Variants in SEC31A observed in about 807,000 individuals in gnomAD.
The protein encoded by SEC31A is protein transport protein Sec31A.
In SEC31A, 70 loss-of-function variants were observed where a neutral mutation model predicts 151.0. The ratio of observed to expected loss-of-function variants is 0.46; its 90% CI spans 0.38 to 0.57. The LOEUF (loss-of-function observed/expected upper bound fraction) is 0.57, where lower values mean the gene tolerates loss of function less well. Ranked by LOEUF, SEC31A falls within the 20% of genes least tolerant of loss-of-function variation. The pLI is 0.00. For synonymous variants in SEC31A, 475 were observed against 505.9 expected (o/e 0.94, Z 0.82); for missense variants, 1,330 against 1,471.2 (o/e 0.90, Z 1.57).
At chr4:82,841,442 T>TTATATATATATATATA (rs58373170) in intron 22 of SEC31A, among the ~76,000 whole-genome samples, 2,715 of 63,808 alleles carry the variant, frequency 0.043, 192 homozygotes, top group Non-Finnish European at 0.073. Flanking sequence ...AAAAAAAATT[T>TTATATATATATATATA]TATATATATA....
In SEC31A at chr4:82,842,007, A is replaced by G. The variant is rs113434336; in HGVS notation, c.2968+133T>C. 5,246 of 731,666 alleles carry G rather than the reference A, an allele frequency of 7.2e-3. 74 individuals carry two copies. Among genetic ancestry groups the G allele is most frequent in the Middle Eastern group, 0.013 (31 of 2,434 alleles). 45.3% of individuals were successfully genotyped at this position (731,666 alleles called of 1,614,324 possible). The stretch of plus-strand genomic sequence containing the variant: ...ACCAAACAAACAAAAAACACAAAAA[A>G]CAAACCCAAACCTCAGTCAACACCT... On this transcript the variant is annotated intron_variant, in intron 22 of 26. Transcript: ENST00000395310.
intron 1 of SEC31A, among the ~76,000 whole-genome samples, chr4:82,889,675 TCA>T (rs1336664543): frequency 6.6e-6 from 1 of 152,326 alleles, no homozygotes; most frequent in Non-Finnish European, 1.5e-5. Context: ...TCATTGCTCT[TCA>T]CAGTTTACAA....
At chr4:82,879,350 C>T (rs1453418711) in intron 3 of SEC31A, among the ~76,000 whole-genome samples, 1 of 139,590 alleles carries the variant, frequency 7.2e-6, no homozygotes, top group African/African-American at 2.6e-5. Context: ...ATAGAAGGGT[C>T]TCATGCTTTG....
chr4:82,826,805 T>A (rs1724706694), intron 24 of SEC31A, among the ~76,000 whole-genome samples: 1 of 152,264 alleles, frequency 6.6e-6, no homozygotes, highest in Admixed American at 6.5e-5. Context: ...TATATTGAAC[T>A]TTGATCTAAG....
rs369873554 is a variant in SEC31A at position 82,882,201 on chromosome 4, A to G, written c.-4-261T>C. Among the ~76,000 whole-genome samples, 116 of 152,244 alleles carry G rather than the reference A, an allele frequency of 7.6e-4. No individual in the cohort carries two copies. The Middle Eastern group carries it at 0.01, about 13-fold the overall frequency. On this transcript the variant is annotated intron_variant, in intron 1 of 26. Coordinates refer to ENST00000395310, the MANE Select transcript of SEC31A (RefSeq NM_001077207.4). ...GGCGGATCACGAGGTCAGGAGATTGAGACCATCCTGGCTAACATGGTGAGA... is the reference window on the plus strand; with the variant it reads ...GGCGGATCACGAGGTCAGGAGATTGGGACCATCCTGGCTAACATGGTGAGA...
chr4:82,886,459 A>C (rs140103337), intron 1 of SEC31A, among the ~76,000 whole-genome samples: 1 of 152,322 alleles, frequency 6.6e-6, no homozygotes, highest in East Asian at 1.9e-4. Context: ...GAGCCAAAAA[A>C]AGTGCTCAGC....
At chr4:82,855,238 G>A (rs1377029645) in intron 16 of SEC31A, among the ~76,000 whole-genome samples, 2 of 152,204 alleles carry the variant, frequency 1.3e-5, no homozygotes, top group Non-Finnish European at 2.9e-5. Context: ...TTCATAAAGT[G>A]CTGAGAAGGA....
rs1736694479 is a variant in SEC31A, at chr4:82,871,634, G to C, written c.782+310C>G. 4 of 538,492 alleles carry C rather than the reference G, an allele frequency of 7.4e-6. 1 individual carries two copies. The highest frequency in any genetic ancestry group is 5.0e-5 in the South Asian group (2 of 39,840). The allele number at this position is 538,492 out of a possible 1,614,324, so 33.4% of individuals were successfully genotyped here. A position where few individuals can be genotyped will look rare whatever the true frequency, so the allele number is the denominator to read the frequency against. Reference sequence around the variant, plus strand: ...CTACTAAAACTATGAAAATTAGCTGGGCGTGGTGGCGCATGCATGTAATCC... The same window carrying C: ...CTACTAAAACTATGAAAATTAGCTGCGCGTGGTGGCGCATGCATGTAATCC... On this transcript the variant is annotated intron_variant, in intron 7 of 26. Transcript: ENST00000395310.
chr4:82,824,381 TTG>T (rs1724076259), intron 25 of SEC31A, among the ~76,000 whole-genome samples, 172 bp downstream of exon 25: 2 of 152,046 alleles, frequency 1.3e-5, no homozygotes, highest in African/African-American at 4.8e-5. Context: ...TTTTTTGTAT[TTG>T]TAGTAGAGAC....
chr4:82,865,732 A>G (rs1735224467), intron 10 of SEC31A, among the ~76,000 whole-genome samples: 1 of 152,112 alleles, frequency 6.6e-6, no homozygotes. Flanking sequence ...AATTTAAAGT[A>G]GAAAACTCCT....
rs1267226557 is a variant in SEC31A at position 82,864,475 on chromosome 4, G to A, written c.1321C>T (p.Arg441Ter). The stretch of plus-strand genomic sequence containing the variant: ...ACAGCCTGCTGAAGTTGGTCTGATC[G>A]GCTGAGGAACTCCTTTTCTGTTACA... Reference protein sequence around the residue: ...QVVTEKEFLSRSDQLQQAVQS... With the variant: ...QVVTEKEFLS Residue 441 changes from arginine (R) to a stop codon, truncating the protein, a stop_gained, in exon 11 of 27, where the codon CGA becomes TGA. Coordinates refer to ENST00000395310, the MANE Select transcript of SEC31A (RefSeq NM_001077207.4). LOFTEE classifies it high-confidence loss of function. 8 of 1,613,966 alleles carry A rather than the reference G, an allele frequency of 5.0e-6. No homozygotes were observed. Among genetic ancestry groups the A allele is most frequent in the Non-Finnish European group, 4.2e-6 (5 of 1,180,012 alleles).
At chr4:82,846,366 C>CATCATA (rs1553928443) in intron 20 of SEC31A, among the ~76,000 whole-genome samples, 55 of 140,538 alleles carry the variant, frequency 3.9e-4, no homozygotes, top group African/African-American at 1.4e-3. Context: ...AACTCCAAAA[C>CATCATA]ATAATAATAA....
rs780649127 is a variant in SEC31A, at chr4:82,819,197, T to C, written c.3540A>G (p.Arg1180=). 4 of 1,611,770 alleles carry C rather than the reference T, an allele frequency of 2.5e-6. No individual in the cohort carries two copies. Among genetic ancestry groups the C allele is most frequent in the East Asian group, 2.2e-5 (1 of 44,800 alleles). ...GCATGGTCAATCCTTCTGAGTAGTTTCGAGTTTCAATGCTCCTTGCAATGT... is the reference window on the plus strand; with the variant it reads ...GCATGGTCAATCCTTCTGAGTAGTTCCGAGTTTCAATGCTCCTTGCAATGT... The part of the protein sequence containing the change: ...LHNIARSIET[R]NYSEGLTMHT... Residue 1180 remains arginine (R), a synonymous_variant, in exon 27 of 27, where the codon CGA becomes CGG. Transcript: ENST00000395310.
In SEC31A at chr4:82,888,409, C is replaced by T. The variant is rs1426793912; in HGVS notation, c.-5+2679G>A. On this transcript the variant is annotated intron_variant, in intron 1 of 26. Transcript: ENST00000395310. ...ACATATATATATATACACACAGACA[C>T]GGCCAGGCGCAGTGGCTCACACCTG... Among the ~76,000 whole-genome samples, 21 of 42,046 alleles carry T rather than the reference C, an allele frequency of 5.0e-4. 2 individuals carry two copies. Among genetic ancestry groups the T allele is most frequent in the African/African-American group, 1.5e-3 (6 of 4,102 alleles). 27.6% of individuals were successfully genotyped at this position (42,046 alleles called of 152,430 possible). A position where few individuals can be genotyped will look rare whatever the true frequency, so the allele number is the denominator to read the frequency against.
intron 1 of SEC31A, chr4:82,890,663 G>A (rs1719497486): frequency 1.2e-6 from 1 of 806,628 alleles, no homozygotes; most frequent in Non-Finnish European, 1.5e-6. Flanking sequence ...TTTAAATCTG[G>A]CAATAGTTCA....
intron 22 of SEC31A, among the ~76,000 whole-genome samples, chr4:82,830,282 G>A (rs1725627169): frequency 6.6e-6 from 1 of 152,194 alleles, no homozygotes; most frequent in East Asian, 1.9e-4. Context: ...CCAACATGGG[G>A]AAACCCCATC....
upstream of SEC31A, chr4:82,893,057 A>G (rs1220740662): frequency 6.6e-6 from 1 of 152,220 alleles, no homozygotes; most frequent in African/African-American, 2.4e-5. Flanking sequence ...TAGGATTTGC[A>G]TAGCACAAAG....
rs1241073651 is a variant in SEC31A, at chr4:82,842,490, A to G, written c.2627-9T>C. 1.9e-6 allele frequency: 3 copies of G among 1,584,554 alleles called. No individual in the cohort carries two copies. On this transcript the variant is annotated splice_polypyrimidine_tract_variant and intron_variant, in intron 21 of 26. Coordinates refer to ENST00000395310, the MANE Select transcript of SEC31A (RefSeq NM_001077207.4). ...CTGGGCTGGTTGATAAGCTACACCA[A>G]GGAGAAGAAACAGAAATTTCAATTA...
At chr4:82,827,750 A>AG (rs1724936341) in intron 23 of SEC31A, 118 bp from the exon 24 acceptor site, 1 of 914,238 alleles carries the variant, frequency 1.1e-6, no homozygotes, top group Non-Finnish European at 1.7e-6. Flanking sequence ...TTTTAATAGT[A>AG]GTAGAATACT....
Sources: allele counts gnomAD v4.1 joint callset (sites outside exome capture counted in the v4.1 genomes callset), GRCh38; gene constraint gnomAD v4.1.1; transcripts MANE v1.5; gene names NCBI Gene and HGNC (gene_info 2026-07-23, HGNC 2026-07-21).